WDR17: variants seen among roughly 807,000 people sequenced by gnomAD.
WDR17 encodes WD repeat-containing protein 17.
A neutral mutation model predicts 161.7 loss-of-function variants in WDR17; 143 were observed. The observed-to-expected ratio is 0.88, with a 90% CI of 0.77 to 1.02. WDR17 has a LOEUF of 1.02. Among genes scored for constraint, WDR17 ranks in the 50% least tolerant of loss-of-function variants. WDR17 has a pLI of 0.00. For synonymous variants in WDR17, 517 were observed against 515.6 expected, an observed-to-expected ratio of 1.00 and a Z score of -0.04; for missense variants, 1,469 against 1,520.9, an observed-to-expected ratio of 0.97 and a Z score of 0.57.
intron 22 of WDR17, among the ~76,000 whole-genome samples, chr4:176,166,668 A>G (rs1371966920): frequency 2.0e-5 from 3 of 152,156 alleles, no homozygotes; most frequent in Non-Finnish European, 1.5e-5. Context: ...TAGCACAGCT[A>G]TTTTATACAC....
chr4:176,167,644 CA>C (rs34187946), intron 22 of WDR17, among the ~76,000 whole-genome samples: 20 of 23,834 alleles, frequency 8.4e-4, no homozygotes, highest in African/African-American at 3.1e-3. Context: ...GACTCCGTCT[CA>C]AAAAAAAAAA....
chr4:176,147,702 A>G (rs189735271), intron 12 of WDR17, among the ~76,000 whole-genome samples: 1 of 152,278 alleles, frequency 6.6e-6, no homozygotes, highest in Non-Finnish European at 1.5e-5. Flanking sequence ...AATTTTATTC[A>G]CATGTAACTA....
At chr4:176,095,022 G>A (rs1231310084) in intron 1 of WDR17, among the ~76,000 whole-genome samples, 1 of 152,114 alleles carries the variant, frequency 6.6e-6, no homozygotes, top group Non-Finnish European at 1.5e-5. Context: ...GTGGCCTGTA[G>A]GTTGTGTTAT....
At chr4:176,083,230 A>G (rs1046238378) in intron 1 of WDR17, among the ~76,000 whole-genome samples, 1 of 152,114 alleles carries the variant, frequency 6.6e-6, no homozygotes, top group Non-Finnish European at 1.5e-5. Context: ...ATTTGGGTTA[A>G]ATTTTCAGGA....
intron 19 of WDR17, among the ~76,000 whole-genome samples, chr4:176,160,438 C>G (rs1490641881): frequency 6.6e-6 from 1 of 152,214 alleles, no homozygotes; most frequent in Non-Finnish European, 1.5e-5. Context: ...TCTCCTGCCT[C>G]AGCCTCCCGA....
In WDR17 at chr4:176,150,435, C is replaced by T. The variant is rs944375755; in HGVS notation, c.2179-33C>T. On this transcript the variant is annotated intron_variant, in intron 15 of 28. Coordinates refer to ENST00000508596, the MANE Select transcript of WDR17 (RefSeq NM_181265.4). Reference sequence around the variant, plus strand: ...AAAATATTATGAGGTTTTTAATTCACTATTCCATATTTATTTTTTGTCAAC... The same window carrying T: ...AAAATATTATGAGGTTTTTAATTCATTATTCCATATTTATTTTTTGTCAAC... 3.8e-6 allele frequency: 6 copies of T among 1,578,462 alleles called. No homozygotes were observed. The Admixed American group carries it at 6.0e-5, about 16-fold the overall frequency.
intron 24 of WDR17, among the ~76,000 whole-genome samples, chr4:176,173,023 T>TA (rs1750963540): frequency 6.6e-6 from 1 of 152,080 alleles, no homozygotes; most frequent in Non-Finnish European, 1.5e-5. Context: ...ATGATCAACT[T>TA]AAAATCAAGA....
At chr4:176,133,188 T>A (rs530136671) in intron 7 of WDR17, among the ~76,000 whole-genome samples, 99 of 145,842 alleles carry the variant, frequency 6.8e-4, no homozygotes, top group Non-Finnish European at 1.4e-3. Context: ...ATTTTTATTT[T>A]TTTTTTTTTA....
intron 11 of WDR17, among the ~76,000 whole-genome samples, chr4:176,143,972 C>T (rs1243913475): frequency 6.7e-6 from 1 of 148,636 alleles, no homozygotes; most frequent in Non-Finnish European, 1.5e-5. Flanking sequence ...ACAAGAAGGT[C>T]CCTGAATAAT....
chr4:176,084,828 G>A (rs1401073918), intron 1 of WDR17, among the ~76,000 whole-genome samples: 2 of 145,946 alleles, frequency 1.4e-5, no homozygotes, highest in African/African-American at 2.5e-5. Flanking sequence ...TTTCCATAAG[G>A]GCATTCAATT....
At chr4:176,099,307 T>C (rs1241754284) in intron 1 of WDR17, among the ~76,000 whole-genome samples, 1 of 152,120 alleles carries the variant, frequency 6.6e-6, no homozygotes, top group Non-Finnish European at 1.5e-5. Flanking sequence ...AGAAATGAAT[T>C]AGCAGAAACT....
At chr4:176,087,562 T>C (rs1389803823) in intron 1 of WDR17, among the ~76,000 whole-genome samples, 2 of 152,134 alleles carry the variant, frequency 1.3e-5, no homozygotes, top group Non-Finnish European at 2.9e-5. Flanking sequence ...TCTCATTCTT[T>C]ATCTCTCTTT....
At position 176,179,328 on chromosome 4, in the gene WDR17, G is replaced by A. The variant is rs907430399; in HGVS notation, c.3733-132G>A. The A allele has an allele frequency of 2.1e-5, 22 of 1,053,902 alleles. No homozygotes were observed. The Admixed American group carries it at 6.2e-4, about 30-fold the overall frequency. 65.3% of individuals were successfully genotyped at this position (1,053,902 alleles called of 1,614,324 possible). ...GCTCAAAAAAACTAATTTTCTCATA[G>A]TCTTCATTTTTTTATTAGCTTTGCC... On this transcript the variant is annotated intron_variant, in intron 28 of 28. Coordinates refer to ENST00000508596, the MANE Select transcript of WDR17 (RefSeq NM_181265.4).
Position 176,128,736 on chromosome 4 carries a change from A to G in WDR17, c.791-2A>G. 1.2e-6 allele frequency: 2 copies of G among 1,601,450 alleles called. No individual in the cohort carries two copies. The highest frequency in any genetic ancestry group is 1.7e-6 in the Non-Finnish European group (2 of 1,176,392). On this transcript the variant is annotated splice_acceptor_variant, in intron 5 of 28. Coordinates refer to ENST00000508596, the MANE Select transcript of WDR17 (RefSeq NM_181265.4). LOFTEE classifies it high-confidence loss of function. ...AATGTGCTTTTTCCCTGATCTGACT[A>G]GATTCTCAAGTGGGTGTTTTACGCA...
chr4:176,107,588 A>G (rs1738958489), intron 1 of WDR17, among the ~76,000 whole-genome samples: 1 of 151,792 alleles, frequency 6.6e-6, no homozygotes, highest in Non-Finnish European at 1.5e-5. Context: ...ACAATGGAAT[A>G]TTATTCAGCT....
At chr4:176,178,870 T>C (rs910493318) in intron 28 of WDR17, among the ~76,000 whole-genome samples, 8 of 152,222 alleles carry the variant, frequency 5.3e-5, no homozygotes. Flanking sequence ...CTAGGTAATA[T>C]AGACTGAAAA....
chr4:176,155,213 C>A (rs895975385), intron 17 of WDR17, among the ~76,000 whole-genome samples: 5 of 151,866 alleles, frequency 3.3e-5, no homozygotes, highest in African/African-American at 1.2e-4. Context: ...CTTTTCTTCC[C>A]TTCCTTTCTC....
chr4:176,086,337 G>A (rs1216047674), intron 1 of WDR17, among the ~76,000 whole-genome samples: 1 of 151,780 alleles, frequency 6.6e-6, no homozygotes, highest in African/African-American at 2.4e-5. Context: ...ATCCTATGGG[G>A]TTTTATCTGT....
intron 5 of WDR17, among the ~76,000 whole-genome samples, chr4:176,126,606 T>C (rs1202357212): frequency 6.6e-6 from 1 of 152,198 alleles, no homozygotes. Flanking sequence ...AACCTGACTT[T>C]GCAGTGTGAC....
Sources: gnomAD v4.1 joint callset for allele counts (sites outside exome capture counted in the v4.1 genomes callset) on GRCh38, gnomAD v4.1.1 for gene constraint, MANE v1.5 for transcripts, NCBI Gene and HGNC (gene_info 2026-07-23, HGNC 2026-07-21) for gene names.